The following DPH6 variants were observed in gnomAD, a reference collection of about 807,000 sequenced individuals.
DPH6 encodes diphthamine biosynthesis 6.
Under a neutral mutation model 38.2 loss-of-function variants are expected in DPH6, and 33 were observed. The observed-to-expected ratio is 0.86, with a 90% CI of 0.65 to 1.15. DPH6 has a LOEUF of 1.15. Ranked by LOEUF, DPH6 falls within the 50% of genes most tolerant of loss-of-function variation. The pLI, the probability that DPH6 is intolerant of heterozygous loss-of-function variation, is 0.00. For missense variants in DPH6, 325 were observed against 320.0 expected (o/e 1.02, Z -0.12); for synonymous variants, 108 against 103.0 (o/e 1.05, Z -0.30).
At chr15:35,401,112 T>A in intron 6 of DPH6, 1 of 913,056 alleles carries the variant, frequency 1.1e-6, no homozygotes. Context: ...TAACCTTTGA[T>A]GACCATGACT....
rs8026581 is a variant in DPH6 at position 35,391,209 on chromosome 15, T to G, written c.568-9293A>C. On this transcript the variant is annotated intron_variant, in intron 6 of 8. Transcript: ENST00000256538. Reference sequence around the variant, plus strand: ...CCTGATCGGTCCTCTGGAAGTTTTTTCTCAGAGGAGTACCTGGCTGTGCGA... The same window carrying G: ...CCTGATCGGTCCTCTGGAAGTTTTTGCTCAGAGGAGTACCTGGCTGTGCGA... 6.9e-3 allele frequency among the ~76,000 whole-genome samples: 1,053 copies of G among 152,268 alleles called. 15 individuals carry two copies. Among genetic ancestry groups the G allele is most frequent in the African/African-American group, 0.024 (982 of 41,556 alleles).
At chr15:35,411,574 G>A (rs2053367603) in intron 5 of DPH6, among the ~76,000 whole-genome samples, 1 of 151,636 alleles carries the variant, frequency 6.6e-6, no homozygotes, top group Non-Finnish European at 1.5e-5. Flanking sequence ...GTAATGGGGT[G>A]TGGGAGACAA....
At chr15:35,345,236 C>G (rs547549520) in intron 3 of DPH6, among the ~76,000 whole-genome samples, 9 of 151,890 alleles carry the variant, frequency 5.9e-5, no homozygotes, top group African/African-American at 2.2e-4. Context: ...TATCCAGAAA[C>G]CTTATCGATC....
intron 7 of DPH6, 31 bp from the exon 8 acceptor site, chr15:35,373,639 T>C (rs111282583): frequency 1.3e-6 from 2 of 1,569,076 alleles, no homozygotes; most frequent in Admixed American, 1.8e-5. Flanking sequence ...AATACATTTA[T>C]ATGCTACAAA....
chr15:35,186,876 A>G, the DPH6 span, among the ~76,000 whole-genome samples: 1 of 152,220 alleles, frequency 6.6e-6, no homozygotes, highest in Non-Finnish European at 1.5e-5. Flanking sequence ...AACAATATGA[A>G]GATTCCTCAA....
At chr15:35,403,652 C>A (rs1290581983) in intron 6 of DPH6, among the ~76,000 whole-genome samples, 1 of 151,916 alleles carries the variant, frequency 6.6e-6, no homozygotes, top group Non-Finnish European at 1.5e-5. Flanking sequence ...CTGGGATAGG[C>A]ATGTGCCACC....
chr15:35,275,466 C>G (rs566928896), intron 3 of DPH6, among the ~76,000 whole-genome samples: 1 of 152,118 alleles, frequency 6.6e-6, no homozygotes, highest in Non-Finnish European at 1.5e-5. Flanking sequence ...AAACCATACA[C>G]CACGTTTTTT....
the DPH6 span, among the ~76,000 whole-genome samples, chr15:35,205,491 G>C: frequency 0.15 from 22,884 of 151,822 alleles, 3,273 homozygotes; most frequent in African/African-American, 0.38. Flanking sequence ...AATAAAACTT[G>C]GCCAACTTAT....
At chr15:35,501,115 T>G (rs961510424) in intron 3 of DPH6, among the ~76,000 whole-genome samples, 4 of 152,246 alleles carry the variant, frequency 2.6e-5, no homozygotes, top group African/African-American at 7.2e-5. Flanking sequence ...TTCAGAAGAT[T>G]GTTCATTTAC....
chr15:35,320,143 G>A (rs542287351), intron 3 of DPH6, among the ~76,000 whole-genome samples: 6 of 150,962 alleles, frequency 4.0e-5, no homozygotes, highest in African/African-American at 1.5e-4. Flanking sequence ...TATATTATCT[G>A]CTTGAATGTC....
intron 6 of DPH6, among the ~76,000 whole-genome samples, chr15:35,385,774 A>T (rs1270386887): frequency 2.6e-5 from 4 of 152,210 alleles, no homozygotes; most frequent in Non-Finnish European, 5.9e-5. Flanking sequence ...AATAATAAAA[A>T]AAGGCAATAT....
chr15:35,328,785 A>C (rs548689068), downstream of DPH6, among the ~76,000 whole-genome samples: 71 of 152,294 alleles, frequency 4.7e-4, no homozygotes, highest in African/African-American at 1.7e-3. Flanking sequence ...CATGCTGCTG[A>C]TAAGTTGCCA....
At chr15:35,452,690 C>A (rs2053951321) in intron 4 of DPH6, among the ~76,000 whole-genome samples, 1 of 152,118 alleles carries the variant, frequency 6.6e-6, no homozygotes, top group Non-Finnish European at 1.5e-5. Context: ...ACATCTAAAG[C>A]AATGCTGAAG....
At chr15:35,343,449 G>A (rs1223834944) in intron 3 of DPH6, among the ~76,000 whole-genome samples, 2 of 151,610 alleles carry the variant, frequency 1.3e-5, no homozygotes, top group Non-Finnish European at 2.9e-5. Context: ...GTATAGTTAG[G>A]GTGCATAGTT....
At position 35,283,020 on chromosome 15, in the gene DPH6, C is replaced by CTCTTCTTCCTTCTTCTTCTTCTTCTTCCT. The variant is rs1566858949; in HGVS notation, n.201-62467_201-62439dup. ...CATCATCTTCTTCTTCTTCCTCTTC[C>CTCTTCTTCCTTCTTCTTCTTCTTCTTCCT]TCTTCTTCCTTCTTCTTCTTCTTCT... On this transcript the variant is annotated intron_variant and non_coding_transcript_variant, in intron 3 of 3. Coordinates refer to the DPH6 transcript ENST00000560386. The CTCTTCTTCCTTCTTCTTCTTCTTCTTCCT allele has an allele frequency of 1.4e-5, 3 of 210,912 alleles. No homozygotes were observed. The East Asian group carries it at 3.9e-4, about 28-fold the overall frequency. 13.1% of individuals were successfully genotyped at this position (210,912 alleles called of 1,614,324 possible).
the DPH6 span, among the ~76,000 whole-genome samples, chr15:35,161,311 T>C: frequency 6.6e-6 from 1 of 151,902 alleles, no homozygotes; most frequent in African/African-American, 2.4e-5. Flanking sequence ...TCCTTCAACT[T>C]CCTAGGTGTT....
intron 3 of DPH6, among the ~76,000 whole-genome samples, chr15:35,351,318 A>C (rs1168214870): frequency 6.6e-6 from 1 of 151,900 alleles, no homozygotes; most frequent in African/African-American, 2.4e-5. Flanking sequence ...TCTCATAGAT[A>C]GCATATAGTT....
At chr15:35,237,907 TGAA>T (rs1451428202) in intron 3 of DPH6, 1 of 1,405,890 alleles carries the variant, frequency 7.1e-7, no homozygotes, top group East Asian at 2.3e-5. Flanking sequence ...AGGAGGAAGG[TGAA>T]GAGGAGGACG....
intron 3 of DPH6, among the ~76,000 whole-genome samples, chr15:35,348,079 C>T (rs1222667161): frequency 6.6e-6 from 1 of 152,018 alleles, no homozygotes; most frequent in Non-Finnish European, 1.5e-5. Context: ...TTTGCAAATA[C>T]TTTCTGTATT....
Sources: gnomAD v4.1 joint callset for allele counts (sites outside exome capture counted in the v4.1 genomes callset) on GRCh38, gnomAD v4.1.1 for gene constraint, MANE v1.5 for transcripts, NCBI Gene and HGNC (gene_info 2026-07-23, HGNC 2026-07-21) for gene names.